DGKH: variants seen among roughly 807,000 people sequenced by gnomAD.
DGKH encodes diacylglycerol kinase eta.
In DGKH, 90 loss-of-function variants were observed where a neutral mutation model predicts 159.3. That is an observed-to-expected ratio of 0.57 (90% CI 0.48 to 0.67). DGKH has a LOEUF of 0.67. Ranked by LOEUF, DGKH falls within the 30% of genes least tolerant of loss-of-function variation. The pLI is 0.00. For synonymous variants in DGKH, 536 were observed against 553.8 expected, an observed-to-expected ratio of 0.97 and a Z score of 0.45; for missense variants, 1,181 against 1,506.1, an observed-to-expected ratio of 0.78 and a Z score of 3.57.
chr13:42,097,227 GTT>G (rs950629049), intron 1 of DGKH, among the ~76,000 whole-genome samples: 2 of 152,050 alleles, frequency 1.3e-5, no homozygotes, highest in African/African-American at 4.8e-5. Context: ...TCTTCCTTCT[GTT>G]TTCTCTGGTC....
intron 1 of DGKH, among the ~76,000 whole-genome samples, chr13:42,117,157 A>G (rs1178875381): frequency 6.6e-6 from 1 of 152,252 alleles, no homozygotes; most frequent in Non-Finnish European, 1.5e-5. Context: ...AAGTAAAACT[A>G]AAACATACTT....
chr13:42,073,593 G>A (rs1334503511), intron 1 of DGKH, among the ~76,000 whole-genome samples: 1 of 152,160 alleles, frequency 6.6e-6, no homozygotes, highest in Admixed American at 6.5e-5. Flanking sequence ...TGAGTGTTCT[G>A]AGCACATGTA....
At chr13:42,074,538 G>A (rs1399080877) in intron 1 of DGKH, among the ~76,000 whole-genome samples, 1 of 152,084 alleles carries the variant, frequency 6.6e-6, no homozygotes, top group African/African-American at 2.4e-5. Flanking sequence ...ACATGGAAGG[G>A]CAAGAAAGAC....
rs1958333583 is a variant in DGKH at position 42,232,932 on chromosome 13, C to T, written c.*3744C>T. The T allele has an allele frequency of 6.6e-6, 1 of 152,176 alleles. No individual in the cohort carries two copies. The highest frequency in any genetic ancestry group is 2.4e-5 in the African/African-American group (1 of 41,438). The allele number at this position is 152,176 out of a possible 1,614,324, so 9.4% of individuals were successfully genotyped here. A position where few individuals can be genotyped will look rare whatever the true frequency, so the allele number is the denominator to read the frequency against. ...TGGCTTCAGGCCAGGAGTTTGAGAC[C>T]AGCCTCGGCAACATAGTGAGACCCT... On this transcript the variant is annotated 3_prime_UTR_variant, in exon 30 of 30. Transcript: ENST00000337343.
upstream of DGKH, among the ~76,000 whole-genome samples, chr13:42,046,283 G>C (rs1457740557): frequency 6.6e-6 from 1 of 152,194 alleles, no homozygotes; most frequent in Non-Finnish European, 1.5e-5. Context: ...TGAGCTACAT[G>C]GTTGAAATGG....
At chr13:42,218,321 G>A (rs1167980138) in intron 26 of DGKH, among the ~76,000 whole-genome samples, 1 of 152,078 alleles carries the variant, frequency 6.6e-6, no homozygotes, top group African/African-American at 2.4e-5. Context: ...CAGATGATAA[G>A]CCATTGAGCT....
intron 29 of DGKH, among the ~76,000 whole-genome samples, chr13:42,227,398 A>G (rs1296694264): frequency 6.6e-6 from 1 of 152,236 alleles, no homozygotes; most frequent in Non-Finnish European, 1.5e-5. Context: ...TGAGAATACA[A>G]TGTATTTATG....
intron 3 of DGKH, among the ~76,000 whole-genome samples, chr13:42,131,719 C>G (rs1444847687): frequency 6.6e-6 from 1 of 152,154 alleles, no homozygotes; most frequent in East Asian, 1.9e-4. Flanking sequence ...GAGTAGAGAA[C>G]AAACAAATGA....
At chr13:42,137,827 CTTTAT>C (rs1265174619) in intron 3 of DGKH, among the ~76,000 whole-genome samples, 1 of 152,148 alleles carries the variant, frequency 6.6e-6, no homozygotes, top group African/African-American at 2.4e-5. Flanking sequence ...TCAGGGCACT[CTTTAT>C]TTTAAAAATT....
chr13:42,071,218 C>G (rs1290386223), intron 1 of DGKH: 1 of 425,890 alleles, frequency 2.3e-6, no homozygotes, highest in African/African-American at 2.1e-5. Context: ...GCTTCCACAG[C>G]AAGATGGTTT....
At chr13:42,199,506 A>G in intron 18 of DGKH, 60 bp from the exon 19 acceptor site, 3 of 1,211,894 alleles carry the variant, frequency 2.5e-6, no homozygotes, top group Non-Finnish European at 3.5e-6. Context: ...TTGTGTACAA[A>G]TTGTAATTGT....
At chr13:42,064,206 A>C (rs1027115370) in intron 1 of DGKH, among the ~76,000 whole-genome samples, 16 of 152,222 alleles carry the variant, frequency 1.1e-4, no homozygotes, top group African/African-American at 2.6e-4. Flanking sequence ...TTCCCAGTGG[A>C]ATATGAAGTT....
At chr13:42,152,845 GAGTTC>G (rs200888282) in intron 3 of DGKH, among the ~76,000 whole-genome samples, 15,260 of 151,992 alleles carry the variant, frequency 0.1, 1,855 homozygotes, top group African/African-American at 0.29. Flanking sequence ...TCGCTGGGCC[GAGTTC>G]AAACCCATTG....
chr13:42,070,907 G>A (rs1446688495), intron 1 of DGKH: 2 of 1,271,418 alleles, frequency 1.6e-6, no homozygotes, highest in East Asian at 2.3e-5. Context: ...ATTTCACATA[G>A]AGCATGTTTG....
At chr13:42,058,364 C>A (rs1881908532) in intron 1 of DGKH, among the ~76,000 whole-genome samples, 1 of 152,144 alleles carries the variant, frequency 6.6e-6, no homozygotes, top group African/African-American at 2.4e-5. Flanking sequence ...TTCTGAGAAC[C>A]TATTGATGTT....
At chr13:42,223,511 C>T (rs370581810) in intron 29 of DGKH, among the ~76,000 whole-genome samples, 2 of 151,974 alleles carry the variant, frequency 1.3e-5, no homozygotes, top group Admixed American at 1.3e-4. Context: ...CCTATAATCC[C>T]AGCACTTTGG....
At chr13:42,040,219 T>C (rs994109004) in intron 1 of DGKH, 1 of 152,050 alleles carries the variant, frequency 6.6e-6, no homozygotes, top group Non-Finnish European at 1.5e-5. Flanking sequence ...GGGAGGCGGG[T>C]GCGGGCTGCA....
intron 11 of DGKH, among the ~76,000 whole-genome samples, chr13:42,170,712 G>A (rs1483507316): frequency 6.6e-6 from 1 of 152,146 alleles, no homozygotes; most frequent in African/African-American, 2.4e-5. Context: ...GGAGGCCCAG[G>A]TGGGCGAATT....
At chr13:42,070,993 A>G in intron 1 of DGKH, 1 of 1,324,118 alleles carries the variant, frequency 7.6e-7, no homozygotes, top group South Asian at 1.2e-5. Context: ...AGCAGAAAAA[A>G]ACAAGTAATT....
Sources: gnomAD v4.1 joint callset for allele counts (sites outside exome capture counted in the v4.1 genomes callset) on GRCh38, gnomAD v4.1.1 for gene constraint, MANE v1.5 for transcripts, NCBI Gene and HGNC (gene_info 2026-07-23, HGNC 2026-07-21) for gene names.